The following CCDC54 variants were observed in gnomAD, a reference collection of about 807,000 sequenced individuals.
The protein encoded by CCDC54 is coiled-coil domain containing 54.
Under a neutral mutation model 2.9 loss-of-function variants are expected in CCDC54, and 2 were observed. The observed-to-expected ratio is 0.69, with a 90% CI of 0.28 to 2.16. The LOEUF (loss-of-function observed/expected upper bound fraction) is 2.16. Among genes scored for constraint, CCDC54 ranks in the 30% most tolerant of loss-of-function variants. CCDC54 has a pLI of 0.13. For missense variants in CCDC54, 368 were observed against 378.1 expected, an observed-to-expected ratio of 0.97 and a Z score of 0.22; for synonymous variants, 128 against 129.6, an observed-to-expected ratio of 0.99 and a Z score of 0.08.
rs112641427 is a variant in CCDC54, at chr3:107,378,567, G to A, written c.980G>A (p.Arg327Gln). 1,226 of 1,611,916 alleles carry A rather than the reference G, an allele frequency of 7.6e-4. 10 individuals are homozygous for A. In the African/African-American group the frequency reaches 0.015, roughly 19 times the overall value. ...FICSLKEEVTRL is the reference protein window; with the variant it reads ...FICSLKEEVTQL Reference sequence around the variant, plus strand: ...TGTTCCTTAAAAGAAGAAGTAACTCGACTATAGAGTTATGTTCTGCTTTGC... The same window carrying A: ...TGTTCCTTAAAAGAAGAAGTAACTCAACTATAGAGTTATGTTCTGCTTTGC... Residue 327 changes from arginine (R) to glutamine (Q), a missense_variant, in exon 1 of 1, where the codon CGA becomes CAA. Physicochemically the swap from Arg to Gln is conservative, Grantham distance 43. Transcript: ENST00000261058.
rs1267316139 is a variant in CCDC54, at chr3:107,378,476, A to G, written c.889A>G (p.Thr297Ala). 2 of 1,613,890 alleles carry G rather than the reference A, an allele frequency of 1.2e-6. No homozygotes were observed. Among genetic ancestry groups the G allele is most frequent in the African/African-American group, 1.3e-5 (1 of 74,916 alleles). The change falls in exon 1 of 1, where the codon ACT becomes GCT. Residue 297 changes from threonine to alanine, a missense_variant. Coordinates refer to ENST00000261058, the MANE Select transcript of CCDC54 (RefSeq NM_032600.3). The part of the protein sequence containing the change: ...QVITQRYCPF[T>A]GPILSLTTIC... ...CATAACCCAGAGATACTGTCCATTC[A>G]CTGGGCCCATTTTGAGCTTGACCAC... is the stretch of plus-strand genomic sequence containing the variant.
Position 107,378,014 on chromosome 3 carries a change from C to T in CCDC54, c.427C>T (p.Leu143=). 1.9e-6 allele frequency: 3 copies of T among 1,614,126 alleles called. No individual in the cohort carries two copies. Among genetic ancestry groups the T allele is most frequent in the Non-Finnish European group, 2.5e-6 (3 of 1,180,010 alleles). ...IKALKKKVTE[L]EIQNSCSTIH... ...GGCATTAAAGAAGAAGGTGACAGAA[C>T]TGGAAATTCAGAATTCCTGCTCCAC... is the stretch of plus-strand genomic sequence containing the variant. Residue 143 remains leucine (L), a synonymous_variant, in exon 1 of 1, where the codon CTG becomes TTG. Transcript: ENST00000261058.
In CCDC54 at chr3:107,377,915, A is replaced by G. The variant is rs370656267; in HGVS notation, c.328A>G (p.Thr110Ala). The change falls in exon 1 of 1, where the codon ACC becomes GCC. Residue 110 changes from threonine (T) to alanine (A), a missense_variant. Thr to Ala is a moderately conservative substitution (Grantham distance 58, BLOSUM62 0). Coordinates refer to ENST00000261058, the MANE Select transcript of CCDC54 (RefSeq NM_032600.3). The stretch of plus-strand genomic sequence containing the variant: ...TCAAAAACAGATGGAGGTCCTGGAA[A>G]CCAGAATGAATGTTAATGAAGACAA... ...LYQKQMEVLE[T>A]RMNVNEDKQC... is the part of the protein sequence containing the mutation. The G allele has an allele frequency of 1.1e-5, 18 of 1,614,066 alleles. No homozygotes were observed. The highest frequency in any genetic ancestry group is 1.5e-5 in the Non-Finnish European group (18 of 1,180,030).
At position 107,378,314 on chromosome 3, in the gene CCDC54, CCAGACTTCAGTA is replaced by C. The variant is rs2046552791; in HGVS notation, c.730_741del (p.Asp244_Thr247del). ...AGCAAAGCCAAATATTTACATTTAC[CCAGACTTCAGTA>C]CATGGATCAAGCTAACTTTTGTTCA... On this transcript the variant is annotated inframe_deletion, in exon 1 of 1. Transcript: ENST00000261058. The C allele has an allele frequency of 2.5e-6, 4 of 1,614,152 alleles. No homozygotes were observed. The highest frequency in any genetic ancestry group is 1.7e-6 in the Non-Finnish European group (2 of 1,180,018).
chr3:107,378,269 G>C lies in CCDC54; in HGVS notation c.682G>C (p.Ala228Pro). 2.5e-6 allele frequency: 4 copies of C among 1,614,034 alleles called. No homozygotes were observed. In the African/African-American group the frequency reaches 4.0e-5, roughly 16 times the overall value. The change falls in exon 1 of 1, where the codon GCA becomes CCA. Residue 228 changes from alanine to proline, a missense_variant. Physicochemically the swap from Ala to Pro is conservative, Grantham distance 27. Coordinates refer to ENST00000261058, the MANE Select transcript of CCDC54 (RefSeq NM_032600.3). Reference sequence around the variant, plus strand: ...TCTGAAGAAACGTAACCATCAAAATGCATCAAGGAGCTTTGAAAAAGCAAA... The same window carrying C: ...TCTGAAGAAACGTAACCATCAAAATCCATCAAGGAGCTTTGAAAAAGCAAA... ...KTLKKRNHQNASRSFEKAKPN... is the reference protein window; with the variant it reads ...KTLKKRNHQNPSRSFEKAKPN...
rs201432709 is a variant in CCDC54 at position 107,377,989 on chromosome 3, G to A, written c.402G>A (p.Lys134=). 19 of 1,614,102 alleles carry A rather than the reference G, an allele frequency of 1.2e-5. No homozygotes were observed. In the East Asian group the frequency reaches 3.8e-4, roughly 32 times the overall value. ...KDILSMKEDI[K]ALKKKVTELE... is the part of the protein sequence containing the mutation. Reference sequence around the variant, plus strand: ...TCCTCTCTATGAAAGAAGACATCAAGGCATTAAAGAAGAAGGTGACAGAAC... The same window carrying A: ...TCCTCTCTATGAAAGAAGACATCAAAGCATTAAAGAAGAAGGTGACAGAAC... Residue 134 remains lysine (K), a synonymous_variant, in exon 1 of 1, where the codon AAG becomes AAA. Transcript: ENST00000261058.
chr3:107,378,549 TAAA>T lies in CCDC54; in HGVS notation c.964_966del (p.Lys322del). The stretch of plus-strand genomic sequence containing the variant: ...AATATTTACGGCTTTATTTGTTCCT[TAAA>T]AGAAGAAGTAACTCGACTATAGAGT... On this transcript the variant is annotated inframe_deletion, in exon 1 of 1. Transcript: ENST00000261058. The T allele has an allele frequency of 6.2e-7, 1 of 1,613,534 alleles. No homozygotes were observed. The highest frequency in any genetic ancestry group is 8.5e-7 in the Non-Finnish European group (1 of 1,179,846).
At position 107,378,088 on chromosome 3, in the gene CCDC54, A is replaced by C. The variant is rs774676251; in HGVS notation, c.501A>C (p.Thr167=). The C allele has an allele frequency of 3.1e-6, 5 of 1,614,224 alleles. No homozygotes were observed. The South Asian group carries it at 5.5e-5, about 18-fold the overall frequency. ...ILEGERGKEI[T]ELLYKLIQPA... is the part of the protein sequence containing the mutation. ...AGGGAGAAAGGGGTAAAGAAATCAC[A>C]GAACTGCTTTACAAACTCATACAAC... The change falls in exon 1 of 1, where the codon ACA becomes ACC. Residue 167 remains threonine, a synonymous_variant. Transcript: ENST00000261058.
At position 107,378,036 on chromosome 3, in the gene CCDC54, C is replaced by T. The variant is rs2046548687; in HGVS notation, c.449C>T (p.Ser150Phe). 1.2e-6 allele frequency: 2 copies of T among 1,614,128 alleles called. No individual in the cohort carries two copies. The highest frequency in any genetic ancestry group is 1.7e-6 in the Non-Finnish European group (2 of 1,179,992). ...VTELEIQNSC[S>F]TIHCLEILEG... ...GAACTGGAAATTCAGAATTCCTGCT[C>T]CACGATACATTGTCTAGAGATTCTG... Residue 150 changes from serine to phenylalanine, a missense_variant, in exon 1 of 1, where the codon TCC becomes TTC. Transcript: ENST00000261058.
rs964843443 is a variant in CCDC54 at position 107,377,863 on chromosome 3, A to G, written c.276A>G (p.Pro92=). The G allele has an allele frequency of 1.2e-6, 2 of 1,614,092 alleles. No individual in the cohort carries two copies. The highest frequency in any genetic ancestry group is 2.7e-5 in the African/African-American group (2 of 74,944). ...SQMTDIVHMI[P]KVQEKTDLYQ... is the part of the protein sequence containing the mutation. ...TGACTGACATTGTCCATATGATACC[A>G]AAAGTCCAGGAAAAGACTGACTTGT... Residue 92 remains proline (P), a synonymous_variant, in exon 1 of 1, where the codon CCA becomes CCG. Transcript: ENST00000261058.
In CCDC54 at chr3:107,377,595, C is replaced by T. The variant is rs759401612; in HGVS notation, c.8C>T (p.Thr3Ile). 1.2e-6 allele frequency: 2 copies of T among 1,607,662 alleles called. No individual in the cohort carries two copies. Among genetic ancestry groups the T allele is most frequent in the Non-Finnish European group, 1.7e-6 (2 of 1,178,030 alleles). The change falls in exon 1 of 1, where the codon ACA becomes ATA. Residue 3 changes from threonine to isoleucine, a missense_variant. Transcript: ENST00000261058. ...CTTGTTTCACCATGAAAGATGTACA[C>T]ACTTCACACCAAAAGGGTAAAAGCT... MY[T>I]LHTKRVKAAA...
At position 107,377,696 on chromosome 3, in the gene CCDC54, A is replaced by C; in HGVS notation, c.109A>C (p.Ile37Leu). The C allele has an allele frequency of 6.2e-7, 1 of 1,614,192 alleles. No homozygotes were observed. Among genetic ancestry groups the C allele is most frequent in the Non-Finnish European group, 8.5e-7 (1 of 1,180,022 alleles). Residue 37 changes from isoleucine to leucine, a missense_variant, in exon 1 of 1, where the codon ATT (isoleucine) becomes CTT (leucine). Physicochemically the swap from Ile to Leu is conservative, Grantham distance 5. Transcript: ENST00000261058. The part of the protein sequence containing the change: ...SLKNVYHKCK[I>L]RHQDSTGYPT... ...TAAAAATGTTTACCACAAATGTAAG[A>C]TTCGGCACCAAGATTCAACTGGATA... is the stretch of plus-strand genomic sequence containing the variant.
In CCDC54 at chr3:107,378,367, A is replaced by G. The variant is rs2046553122; in HGVS notation, c.780A>G (p.Thr260=). The G allele has an allele frequency of 1.2e-6, 2 of 1,614,048 alleles. No homozygotes were observed. The highest frequency in any genetic ancestry group is 1.7e-6 in the Non-Finnish European group (2 of 1,179,894). ...KLTFVHGGKW[T]FFLSATKLEE... ...CTTTTGTTCATGGAGGAAAATGGAC[A>G]TTTTTCCTCAGTGCTACCAAGTTAG... The change falls in exon 1 of 1, where the codon ACA becomes ACG. Residue 260 remains threonine, a synonymous_variant. Coordinates refer to ENST00000261058, the MANE Select transcript of CCDC54 (RefSeq NM_032600.3).
Position 107,378,167 on chromosome 3 carries a change from G to A in CCDC54, c.580G>A (p.Glu194Lys). ...ASTDMEISSA[E>K]PEKVPSYPKS... The stretch of plus-strand genomic sequence containing the variant: ...TACAGACATGGAAATCTCTTCAGCA[G>A]AACCAGAGAAAGTGCCCAGTTATCC... Residue 194 changes from glutamate (E) to lysine (K), a missense_variant, in exon 1 of 1, where the codon GAA (glutamate) becomes AAA (lysine). Transcript: ENST00000261058. The A allele has an allele frequency of 6.2e-7, 1 of 1,614,138 alleles. No individual in the cohort carries two copies. The highest frequency in any genetic ancestry group is 8.5e-7 in the Non-Finnish European group (1 of 1,180,020).
chr3:107,377,531 T>C lies in CCDC54; in HGVS notation c.-57T>C. The C allele has an allele frequency of 6.6e-7, 1 of 1,512,880 alleles. No homozygotes were observed. The highest frequency in any genetic ancestry group is 1.3e-5 in the South Asian group (1 of 76,448). The allele number at this position is 1,512,880 out of a possible 1,614,324, so 93.7% of individuals were successfully genotyped here. A position where few individuals can be genotyped will look rare whatever the true frequency, so the allele number is the denominator to read the frequency against. On this transcript the variant is annotated 5_prime_UTR_variant, in exon 1 of 1. Coordinates refer to ENST00000261058, the MANE Select transcript of CCDC54 (RefSeq NM_032600.3). ...AGAGAAGGACCATTTCATTTGTACA[T>C]TATTTCTTCCTGTGATTCTGTTTTC... is the stretch of plus-strand genomic sequence containing the variant.
In CCDC54 at chr3:107,378,198, C is replaced by G; in HGVS notation, c.611C>G (p.Ser204Cys). The G allele has an allele frequency of 6.2e-7, 1 of 1,614,148 alleles. No homozygotes were observed. The highest frequency in any genetic ancestry group is 8.5e-7 in the Non-Finnish European group (1 of 1,180,020). The stretch of plus-strand genomic sequence containing the variant: ...GAGAAAGTGCCCAGTTATCCAAAGT[C>G]CACTGACCATCTTGAGAAAAAAACA... ...EPEKVPSYPK[S>C]TDHLEKKTIS... Residue 204 changes from serine to cysteine, a missense_variant, in exon 1 of 1, where the codon TCC becomes TGC. Transcript: ENST00000261058.
Position 107,378,278 on chromosome 3 carries a change from A to T in CCDC54, c.691A>T (p.Ser231Cys), listed in dbSNP as rs1370612803. 1.2e-6 allele frequency: 2 copies of T among 1,613,992 alleles called. No homozygotes were observed. Among genetic ancestry groups the T allele is most frequent in the African/African-American group, 2.7e-5 (2 of 74,902 alleles). Reference sequence around the variant, plus strand: ...ACGTAACCATCAAAATGCATCAAGGAGCTTTGAAAAAGCAAAGCCAAATAT... The same window carrying T: ...ACGTAACCATCAAAATGCATCAAGGTGCTTTGAAAAAGCAAAGCCAAATAT... ...KKRNHQNASR[S>C]FEKAKPNIYI... The change falls in exon 1 of 1, where the codon AGC (serine) becomes TGC (cysteine). Residue 231 changes from serine to cysteine, a missense_variant. By Grantham distance (112) the Ser-to-Cys change is moderately radical (BLOSUM62 -1). Transcript: ENST00000261058.
At chr3:107,377,900 A>AT in the CCDC54 span, 2 of 1,614,166 alleles carry the variant, frequency 1.2e-6, no homozygotes, top group Non-Finnish European at 1.7e-6. Flanking sequence ...TCAAAAACAG[A>AT]TGGAGGTCCT....
Position 107,378,316 on chromosome 3 carries a change from A to G in CCDC54, c.729A>G (p.Pro243=), listed in dbSNP as rs2046552812. The change falls in exon 1 of 1, where the codon CCA becomes CCG. Residue 243 remains proline (P), a synonymous_variant. Transcript: ENST00000261058. ...EKAKPNIYIY[P]DFSTWIKLTF... ...CAAAGCCAAATATTTACATTTACCCAGACTTCAGTACATGGATCAAGCTAA... is the reference window on the plus strand; with the variant it reads ...CAAAGCCAAATATTTACATTTACCCGGACTTCAGTACATGGATCAAGCTAA... 4 of 1,614,238 alleles carry G rather than the reference A, an allele frequency of 2.5e-6. No homozygotes were observed. Among genetic ancestry groups the G allele is most frequent in the Non-Finnish European group, 3.4e-6 (4 of 1,180,024 alleles).
Sources: gnomAD v4.1 joint callset for allele counts on GRCh38, gnomAD v4.1.1 for gene constraint, MANE v1.5 for transcripts, NCBI Gene and HGNC (gene_info 2026-07-23, HGNC 2026-07-21) for gene names.